The following SPAG16 variants were observed in gnomAD, a reference collection of about 807,000 sequenced individuals.
SPAG16 encodes the protein sperm associated antigen 16.
A neutral mutation model predicts 80.4 loss-of-function variants in SPAG16; 86 were observed. The observed-to-expected ratio is 1.07, with a 90% confidence interval of 0.90 to 1.28. The LOEUF (loss-of-function observed/expected upper bound fraction) is 1.28, where lower values mean the gene tolerates loss of function less well. Among genes scored for constraint, SPAG16 ranks in the 50% most tolerant of loss-of-function variants. SPAG16 has a pLI of 0.00. For missense variants in SPAG16, 870 were observed against 765.3 expected, an observed-to-expected ratio of 1.14 and a Z score of -1.61; for synonymous variants, 294 against 265.9, an observed-to-expected ratio of 1.11 and a Z score of -1.03.
In SPAG16 at chr2:213,422,569, CAA is replaced by C. The variant is rs1398476424; in HGVS notation, c.942+47452_942+47453del. 11 of 410,640 alleles carry C rather than the reference CAA, an allele frequency of 2.7e-5. No individual in the cohort carries two copies. In the Admixed American group the frequency reaches 3.9e-4, roughly 14 times the overall value. 25.4% of individuals were successfully genotyped at this position (410,640 alleles called of 1,614,324 possible). A position where few individuals can be genotyped will look rare whatever the true frequency, so the allele number is the denominator to read the frequency against. On this transcript the variant is annotated intron_variant, in intron 9 of 15. Transcript: ENST00000331683. Reference sequence around the variant, plus strand: ...CCAGCAGGCCCAAGCAAAACTTGGGCAAAGGTACCACCAGCCACAGAGGTTTC... The same window carrying C: ...CCAGCAGGCCCAAGCAAAACTTGGGCAGGTACCACCAGCCACAGAGGTTTC...
Position 214,100,406 on chromosome 2 carries a change from G to A in SPAG16, c.1528-7790G>A, listed in dbSNP as rs187612142. On this transcript the variant is annotated intron_variant, in intron 13 of 15. Transcript: ENST00000331683. ...TTCATTTGTTTAACTTTTAGGTTCAGGGGTACATGTGCAGGTTTATTATAT... is the reference window on the plus strand; with the variant it reads ...TTCATTTGTTTAACTTTTAGGTTCAAGGGTACATGTGCAGGTTTATTATAT... Among the ~76,000 whole-genome samples, 140 of 152,058 alleles carry A rather than the reference G, an allele frequency of 9.2e-4. 1 individual carries two copies. Among genetic ancestry groups the A allele is most frequent in the African/African-American group, 3.2e-3 (134 of 41,492 alleles).
chr2:213,518,387 C>T (rs2075528078), intron 10 of SPAG16, among the ~76,000 whole-genome samples: 3 of 152,174 alleles, frequency 2.0e-5, no homozygotes, highest in Admixed American at 2.0e-4. Context: ...CTTGCCTCAG[C>T]CTCCTACAGG....
chr2:213,668,964 AT>A (rs1404229511), intron 10 of SPAG16, among the ~76,000 whole-genome samples: 1 of 152,114 alleles, frequency 6.6e-6, no homozygotes, highest in African/African-American at 2.4e-5. Flanking sequence ...ATATAATAGT[AT>A]TTCTAAGAAG....
intron 12 of SPAG16, among the ~76,000 whole-genome samples, chr2:213,973,682 T>G (rs2045209351): frequency 6.6e-6 from 1 of 151,958 alleles, no homozygotes; most frequent in Non-Finnish European, 1.5e-5. Flanking sequence ...CTGTATACTT[T>G]TGACTGTTTC....
At chr2:213,987,811 AATAT>A (rs997205917) in intron 12 of SPAG16, among the ~76,000 whole-genome samples, 10 of 147,782 alleles carry the variant, frequency 6.8e-5, no homozygotes, top group Admixed American at 1.4e-4. Flanking sequence ...TAAAATATAA[AATAT>A]ATATATACAT....
In SPAG16 at chr2:213,635,594, A is replaced by T. The variant is rs945160387; in HGVS notation, c.1070+145504A>T. Among the ~76,000 whole-genome samples, 5 of 152,166 alleles carry T rather than the reference A, an allele frequency of 3.3e-5. No individual in the cohort carries two copies. In the East Asian group the frequency reaches 9.7e-4, roughly 29 times the overall value. On this transcript the variant is annotated intron_variant, in intron 10 of 15. Coordinates refer to ENST00000331683, the MANE Select transcript of SPAG16 (RefSeq NM_024532.5). ...CAACATCTATTATATTTTGTTTTTT[A>T]ATAATGGCCATTCTTTCAGCAGTAG... is the stretch of plus-strand genomic sequence containing the variant.
At chr2:214,282,878 C>T (rs1032152228) in intron 15 of SPAG16, among the ~76,000 whole-genome samples, 2 of 152,058 alleles carry the variant, frequency 1.3e-5, no homozygotes, top group African/African-American at 4.8e-5. Context: ...TGTATGATAG[C>T]AGAGTGGATT....
At chr2:214,146,646 C>T (rs555689139) in intron 14 of SPAG16, among the ~76,000 whole-genome samples, 1 of 152,210 alleles carries the variant, frequency 6.6e-6, no homozygotes, top group East Asian at 1.9e-4. Flanking sequence ...GCTGTTCTTC[C>T]GTTACCAAGT....
At chr2:213,602,593 C>G (rs1343930269) in intron 10 of SPAG16, among the ~76,000 whole-genome samples, 1 of 152,230 alleles carries the variant, frequency 6.6e-6, no homozygotes, top group African/African-American at 2.4e-5. Flanking sequence ...AAGATCGTGC[C>G]ACTGTGCTCC....
rs1553677672 is a variant in SPAG16, at chr2:213,949,179, T to TTTTTTTTTTTTTGTTTTTTTTTTTTG, written c.1400+19046_1400+19047insGTTTTTTTTTTTTGTTTTTTTTTTTT. Among the ~76,000 whole-genome samples, 6 of 36,258 alleles carry TTTTTTTTTTTTTGTTTTTTTTTTTTG rather than the reference T, an allele frequency of 1.7e-4. 1 individual carries two copies. The highest frequency in any genetic ancestry group is 4.8e-4 in the Admixed American group (1 of 2,096). 23.8% of individuals were successfully genotyped at this position (36,258 alleles called of 152,430 possible). On this transcript the variant is annotated intron_variant, in intron 12 of 15. Coordinates refer to ENST00000331683, the MANE Select transcript of SPAG16 (RefSeq NM_024532.5). ...TACTTAATTACAACAGTTTTTTTTT[T>TTTTTTTTTTTTTGTTTTTTTTTTTTG]TTTTTTTTTTTTTTGAGGTAGAGTC...
intron 9 of SPAG16, among the ~76,000 whole-genome samples, chr2:213,429,995 G>A (rs2070191897): frequency 6.6e-6 from 1 of 152,134 alleles, no homozygotes; most frequent in Admixed American, 6.5e-5. Flanking sequence ...TAACTAAAAA[G>A]AAATACTCAA....
intron 1 of SPAG16, among the ~76,000 whole-genome samples, chr2:213,288,937 A>G (rs2062161085): frequency 6.6e-6 from 1 of 152,224 alleles, no homozygotes; most frequent in African/African-American, 2.4e-5. Flanking sequence ...CAACCTGCAT[A>G]TAGACAGACT....
chr2:213,782,615 C>T (rs7606864), intron 10 of SPAG16, among the ~76,000 whole-genome samples: 1,846 of 152,200 alleles, frequency 0.012, 15 homozygotes, highest in Middle Eastern at 0.02. Flanking sequence ...GGTCATAACA[C>T]AGAATTTTTG....
In SPAG16 at chr2:214,149,236, C is replaced by A. The variant is rs767592617; in HGVS notation, c.1690C>A (p.Pro564Thr). 1.3e-5 allele frequency: 21 copies of A among 1,589,678 alleles called. No individual in the cohort carries two copies. The Admixed American group carries it at 2.8e-4, about 21-fold the overall frequency. ...PIVSIDIGPSPGNEVNFDSSG... is the reference protein window; with the variant it reads ...PIVSIDIGPSTGNEVNFDSSG... ...TGTGTCCATCGATATAGGTCCAAGT[C>A]CTGGCAATGAGGTGAATTTTGATTC... Residue 564 changes from proline to threonine, a missense_variant, in exon 15 of 16, where the codon CCT (proline) becomes ACT (threonine). Transcript: ENST00000331683.
chr2:213,813,683 G>A (rs373794288), intron 10 of SPAG16, among the ~76,000 whole-genome samples: 2 of 152,272 alleles, frequency 1.3e-5, no homozygotes, highest in East Asian at 3.9e-4. Context: ...AGAAGCAGAG[G>A]CGGTCTGCTG....
intron 12 of SPAG16, among the ~76,000 whole-genome samples, chr2:213,953,270 C>T (rs988530935): frequency 6.6e-6 from 1 of 151,660 alleles, no homozygotes; most frequent in Non-Finnish European, 1.5e-5. Context: ...ATCAAAATGT[C>T]TGAATATTCA....
At chr2:213,435,784 A>T (rs1462499956) in intron 9 of SPAG16, among the ~76,000 whole-genome samples, 1 of 152,196 alleles carries the variant, frequency 6.6e-6, no homozygotes, top group East Asian at 1.9e-4. Context: ...ATCAGTTTTA[A>T]TGTGTTCCAT....
At chr2:213,623,084 A>G (rs2061842433) in intron 10 of SPAG16, among the ~76,000 whole-genome samples, 1 of 151,898 alleles carries the variant, frequency 6.6e-6, no homozygotes, top group Non-Finnish European at 1.5e-5. Context: ...GTAGATATTC[A>G]TATTTGGAAA....
intron 10 of SPAG16, among the ~76,000 whole-genome samples, chr2:213,589,799 G>T (rs1383512512): frequency 2.6e-5 from 4 of 151,882 alleles, no homozygotes; most frequent in African/African-American, 7.3e-5. Flanking sequence ...GTGCACACCT[G>T]TAATCCCACC....
Sources: allele counts gnomAD v4.1 joint callset (sites outside exome capture counted in the v4.1 genomes callset), GRCh38; gene constraint gnomAD v4.1.1; transcripts MANE v1.5; gene names NCBI Gene and HGNC (gene_info 2026-07-23, HGNC 2026-07-21).